Variants in SLC4A1AP observed in about 807,000 individuals in gnomAD.
SLC4A1AP encodes the protein solute carrier family 4 member 1 adaptor protein.
A neutral mutation model predicts 89.7 loss-of-function variants in SLC4A1AP; 64 were observed. That is an observed-to-expected ratio of 0.71 (90% CI 0.58 to 0.88). The LOEUF (loss-of-function observed/expected upper bound fraction) is 0.88. Ranked by LOEUF, SLC4A1AP falls within the 40% of genes least tolerant of loss-of-function variation. The pLI is 0.00. For missense variants in SLC4A1AP, 931 were observed against 965.0 expected (o/e 0.96, Z 0.47); for synonymous variants, 366 against 353.3 (o/e 1.04, Z -0.40).
Position 27,694,581 on chromosome 2 carries a change from T to C in SLC4A1AP, c.2342-53T>C. On this transcript the variant is annotated intron_variant, in intron 13 of 13. Transcript: ENST00000613058. ...TACTGATATCTGGATATCTTTTCTCTCCTGACTTTGGAAGAGTAAATAATG... is the reference window on the plus strand; with the variant it reads ...TACTGATATCTGGATATCTTTTCTCCCCTGACTTTGGAAGAGTAAATAATG... 8.8e-6 allele frequency: 12 copies of C among 1,359,472 alleles called. No individual in the cohort carries two copies. In the South Asian group the frequency reaches 1.5e-4, roughly 17 times the overall value. The allele number at this position is 1,359,472 out of a possible 1,614,324, so 84.2% of individuals were successfully genotyped here.
intron 13 of SLC4A1AP, among the ~76,000 whole-genome samples, 198 bp from the exon 14 acceptor site, chr2:27,694,436 C>T (rs1166488782): frequency 6.6e-6 from 1 of 152,034 alleles, no homozygotes; most frequent in Non-Finnish European, 1.5e-5. Flanking sequence ...GAGATGTCTG[C>T]TTTTTCTATG....
At chr2:27,690,664 T>G (rs1675774973) in intron 12 of SLC4A1AP, among the ~76,000 whole-genome samples, 1 of 151,908 alleles carries the variant, frequency 6.6e-6, no homozygotes, top group Non-Finnish European at 1.5e-5. Context: ...TTTTTGTGGG[T>G]TTTTTTGTAG....
exon 1 of SLC4A1AP, chr2:27,664,363 C>T (rs1241189779): frequency 3.1e-6 from 5 of 1,614,082 alleles, no homozygotes; most frequent in African/African-American, 1.3e-5. Context: ...CTGGAGCACC[C>T]TTCGGTGTCT....
At chr2:27,664,200 C>A (rs1248606935) in exon 1 of SLC4A1AP, 5 of 1,614,140 alleles carry the variant, frequency 3.1e-6, no homozygotes. Context: ...CGGTCCAGCC[C>A]GGGCTCCCCC....
At chr2:27,676,402 A>T (rs1445988641) in intron 6 of SLC4A1AP, among the ~76,000 whole-genome samples, 1 of 152,242 alleles carries the variant, frequency 6.6e-6, no homozygotes, top group African/African-American at 2.4e-5. Context: ...TATCCTTTTG[A>T]TTTATGTGAA....
chr2:27,666,026 G>C (rs1346355102), intron 2 of SLC4A1AP, among the ~76,000 whole-genome samples: 1 of 152,196 alleles, frequency 6.6e-6, no homozygotes, highest in African/African-American at 2.4e-5. Flanking sequence ...AGCACTTGCA[G>C]TGTGGCTAGT....
chr2:27,690,534 G>A (rs551866347), intron 12 of SLC4A1AP, among the ~76,000 whole-genome samples: 120 of 152,132 alleles, frequency 7.9e-4, no homozygotes, highest in Non-Finnish European at 1.6e-3. Flanking sequence ...CACCCAGGCT[G>A]GAGTGCAGTG....
chr2:27,664,994 C>T, intron 1 of SLC4A1AP, 106 bp from the exon 2 acceptor site: 1 of 800,294 alleles, frequency 1.2e-6, no homozygotes, highest in Admixed American at 2.7e-5. Context: ...GAGGTCAAGG[C>T]TGCAGTGAGG....
At chr2:27,685,154 G>A (rs764494115) in exon 10 of SLC4A1AP, 29 of 1,614,102 alleles carry the variant, frequency 1.8e-5, no homozygotes, top group Non-Finnish European at 2.4e-5. Context: ...GGAGGAGCAT[G>A]AAAAGAAAAA....
chr2:27,687,213 A>G (rs569636249), intron 10 of SLC4A1AP, among the ~76,000 whole-genome samples: 102 of 152,160 alleles, frequency 6.7e-4, no homozygotes, highest in Non-Finnish European at 1.1e-3. Flanking sequence ...TGCATATGCC[A>G]TAATGTATTT....
intron 8 of SLC4A1AP, among the ~76,000 whole-genome samples, chr2:27,679,580 C>T (rs1237170942): frequency 6.6e-6 from 1 of 151,620 alleles, no homozygotes; most frequent in Non-Finnish European, 1.5e-5. Flanking sequence ...CTAGCCTGGG[C>T]GACAGAGCGA....
intron 5 of SLC4A1AP, among the ~76,000 whole-genome samples, chr2:27,672,536 A>G (rs1203930693): frequency 6.6e-6 from 1 of 151,902 alleles, no homozygotes; most frequent in African/African-American, 2.4e-5. Flanking sequence ...CTCTTGTTTC[A>G]TGGGTTGTAA....
intron 8 of SLC4A1AP, among the ~76,000 whole-genome samples, chr2:27,679,550 C>T (rs1284941747): frequency 1.3e-5 from 2 of 151,870 alleles, no homozygotes; most frequent in Non-Finnish European, 1.5e-5. Context: ...GGCAGTGAGC[C>T]GAGATTGCGC....
chr2:27,677,302 A>G (rs532035980), exon 7 of SLC4A1AP: 3 of 1,612,968 alleles, frequency 1.9e-6, no homozygotes, highest in South Asian at 2.2e-5. Context: ...CAGGTTGCAA[A>G]ATTAAATGAT....
intron 5 of SLC4A1AP, among the ~76,000 whole-genome samples, chr2:27,670,958 C>G (rs1306131343): frequency 7.6e-6 from 1 of 130,916 alleles, no homozygotes; most frequent in Non-Finnish European, 1.6e-5. Flanking sequence ...GAGTCTCACT[C>G]TGTCACCCAG....
chr2:27,685,235 C>T, exon 10 of SLC4A1AP: 1 of 1,613,728 alleles, frequency 6.2e-7, no homozygotes, highest in Non-Finnish European at 8.5e-7. Flanking sequence ...GGAAATGAGG[C>T]CTCCCACAGA....
intron 5 of SLC4A1AP, among the ~76,000 whole-genome samples, chr2:27,671,801 TCTTTC>T (rs1231756569): frequency 2.6e-5 from 4 of 152,208 alleles, no homozygotes; most frequent in African/African-American, 9.7e-5. Context: ...GAATTTCACA[TCTTTC>T]CTTTTCTTGG....
At chr2:27,689,684 A>C (rs1425079753) in intron 12 of SLC4A1AP, among the ~76,000 whole-genome samples, 2 of 152,244 alleles carry the variant, frequency 1.3e-5, no homozygotes, top group Non-Finnish European at 2.9e-5. Flanking sequence ...TCAGACTTCC[A>C]GAAGGAAAGC....
chr2:27,668,516 C>A, intron 3 of SLC4A1AP: 1 of 474,046 alleles, frequency 2.1e-6, no homozygotes. Context: ...ATGGCGCAAT[C>A]TTGGCTCACT....
Sources: allele counts gnomAD v4.1 joint callset (sites outside exome capture counted in the v4.1 genomes callset), GRCh38; gene constraint gnomAD v4.1.1; transcripts MANE v1.5; gene names NCBI Gene and HGNC (gene_info 2026-07-23, HGNC 2026-07-21).